The following CATSPERB variants were observed in gnomAD, a reference collection of about 807,000 sequenced individuals.
CATSPERB encodes the protein catsper channel auxiliary subunit beta, also known as cation channel sperm-associated auxiliary subunit beta.
Under a neutral mutation model 128.3 loss-of-function variants are expected in CATSPERB, and 93 were observed. The observed-to-expected ratio is 0.72, with a 90% confidence interval of 0.61 to 0.86. CATSPERB has a LOEUF of 0.86. Ranked by LOEUF, CATSPERB falls within the 40% of genes least tolerant of loss-of-function variation. CATSPERB has a pLI of 0.00. For synonymous variants in CATSPERB, 381 were observed against 448.8 expected (o/e 0.85, Z 1.91); for missense variants, 1,153 against 1,329.5 (o/e 0.87, Z 2.06).
intron 20 of CATSPERB, among the ~76,000 whole-genome samples, chr14:91,610,962 C>A (rs1360614537): frequency 6.6e-6 from 1 of 152,080 alleles, no homozygotes; most frequent in East Asian, 1.9e-4. Context: ...TGGCCATACA[C>A]AAGCCAAGTA....
chr14:91,655,293 G>A lies in CATSPERB; in HGVS notation c.1432+4544C>T, dbSNP rs141706804. On this transcript the variant is annotated intron_variant, in intron 15 of 26. Transcript: ENST00000256343. ...CCCAGACACCAATCAATGTCCAGAAGCATCAAGACCATCCAGGAGAACATG... is the reference window on the plus strand; with the variant it reads ...CCCAGACACCAATCAATGTCCAGAAACATCAAGACCATCCAGGAGAACATG... 8.9e-3 allele frequency among the ~76,000 whole-genome samples: 1,361 copies of A among 152,284 alleles called. 16 individuals carry two copies. The highest frequency in any genetic ancestry group is 0.044 in the Middle Eastern group (13 of 294).
chr14:91,682,698 C>T (rs552485471), intron 11 of CATSPERB, among the ~76,000 whole-genome samples: 1 of 152,304 alleles, frequency 6.6e-6, no homozygotes, highest in East Asian at 1.9e-4. Flanking sequence ...CCAGACACCA[C>T]TGTCAAAAAT....
intron 14 of CATSPERB, among the ~76,000 whole-genome samples, chr14:91,662,817 T>A (rs925773371): frequency 6.6e-6 from 1 of 152,220 alleles, no homozygotes; most frequent in Non-Finnish European, 1.5e-5. Context: ...TCTCTTCACG[T>A]ATTCATTCCA....
chr14:91,596,037 A>G lies in CATSPERB; in HGVS notation c.2710-4035T>C, dbSNP rs144528141. On this transcript the variant is annotated intron_variant, in intron 22 of 26. Transcript: ENST00000256343. ...GTCAAAAAGATTACTTCCGTTTTCT[A>G]TTGGTTCAGTTAATTCAGTTAACTC... is the stretch of plus-strand genomic sequence containing the variant. 9.5e-3 allele frequency among the ~76,000 whole-genome samples: 1,451 copies of G among 152,244 alleles called. 7 individuals are homozygous for G. The highest frequency in any genetic ancestry group is 0.027 in the Middle Eastern group (8 of 294).
intron 22 of CATSPERB, among the ~76,000 whole-genome samples, chr14:91,600,090 T>C (rs2139767659): frequency 6.6e-6 from 1 of 152,360 alleles, no homozygotes; most frequent in African/African-American, 2.4e-5. Context: ...TATGAAGTTT[T>C]TGTCTGAACA....
At chr14:91,619,555 A>ATCTT (rs1566706232) in intron 19 of CATSPERB, among the ~76,000 whole-genome samples, 2 of 143,932 alleles carry the variant, frequency 1.4e-5, no homozygotes, top group African/African-American at 5.2e-5. Flanking sequence ...CTTTTTTTTA[A>ATCTT]AAAAAAAATA....
intron 22 of CATSPERB, among the ~76,000 whole-genome samples, chr14:91,601,694 C>A (rs1355364184): frequency 6.6e-6 from 1 of 151,958 alleles, no homozygotes; most frequent in Non-Finnish European, 1.5e-5. Flanking sequence ...ATTGATAAAT[C>A]ATTTTTGAAA....
At chr14:91,725,006 C>T (rs3814837) in intron 3 of CATSPERB, 74 bp downstream of exon 3, 140,177 of 611,994 alleles carry the variant, frequency 0.23, 17,956 homozygotes, top group South Asian at 0.4. Context: ...GGAAAGAATA[C>T]AATGCTATTG....
chr14:91,632,550 C>T (rs901225862), intron 17 of CATSPERB, among the ~76,000 whole-genome samples: 4 of 152,042 alleles, frequency 2.6e-5, no homozygotes, highest in Non-Finnish European at 1.5e-5. Flanking sequence ...TACCTAATAA[C>T]AATCTCAAAA....
intron 10 of CATSPERB, among the ~76,000 whole-genome samples, chr14:91,690,027 C>T (rs557767272): frequency 7.2e-5 from 11 of 152,130 alleles, no homozygotes; most frequent in Non-Finnish European, 1.3e-4. Context: ...GAGTCTAGCT[C>T]GGTCACCCAG....
intron 14 of CATSPERB, among the ~76,000 whole-genome samples, 174 bp downstream of exon 14, chr14:91,669,640 A>G (rs1895051056): frequency 6.6e-6 from 1 of 152,230 alleles, no homozygotes; most frequent in African/African-American, 2.4e-5. Flanking sequence ...GAAAGGTAAA[A>G]ACTGATAATG....
chr14:91,618,044 T>C (rs756662673), intron 19 of CATSPERB, among the ~76,000 whole-genome samples: 2 of 152,218 alleles, frequency 1.3e-5, no homozygotes, highest in African/African-American at 2.4e-5. Context: ...GGCTACTCCA[T>C]AGAGCTGGTG....
chr14:91,720,657 C>T (rs1286367521), intron 4 of CATSPERB, among the ~76,000 whole-genome samples: 2 of 152,068 alleles, frequency 1.3e-5, no homozygotes, highest in African/African-American at 2.4e-5. Flanking sequence ...GGCAATACTA[C>T]CCAAATGTAT....
intron 15 of CATSPERB, among the ~76,000 whole-genome samples, chr14:91,654,516 C>T (rs1338621550): frequency 6.6e-6 from 1 of 152,112 alleles, no homozygotes; most frequent in Non-Finnish European, 1.5e-5. Flanking sequence ...AGAGAGACTG[C>T]TCTGCTTCAG....
At chr14:91,717,591 A>G (rs1448405331) in intron 5 of CATSPERB, among the ~76,000 whole-genome samples, 1 of 152,226 alleles carries the variant, frequency 6.6e-6, no homozygotes, top group Non-Finnish European at 1.5e-5. Flanking sequence ...TAGAGTGTTT[A>G]GAGCAGTGCT....
In CATSPERB at chr14:91,592,184, C is replaced by T. The variant is rs1262648295; in HGVS notation, c.2710-182G>A. ...GTACAGTATTTCTGAATTTTAGTTG[C>T]CCCCTTGCTTGGTAATTTGAACCCA... On this transcript the variant is annotated intron_variant, in intron 22 of 26. Coordinates refer to ENST00000256343, the MANE Select transcript of CATSPERB (RefSeq NM_024764.4). The T allele has an allele frequency of 5.0e-6, 3 of 594,766 alleles. No individual in the cohort carries two copies. The African/African-American group carries it at 5.6e-5, about 11-fold the overall frequency. The allele number at this position is 594,766 out of a possible 1,614,324, so 36.8% of individuals were successfully genotyped here.
chr14:91,606,252 C>T (rs1007223978), intron 22 of CATSPERB, among the ~76,000 whole-genome samples: 2 of 152,010 alleles, frequency 1.3e-5, no homozygotes, highest in Non-Finnish European at 2.9e-5. Context: ...CTATGAGATT[C>T]AGAAAGATGC....
chr14:91,582,104 C>G (rs1893216178), intron 26 of CATSPERB, among the ~76,000 whole-genome samples: 1 of 152,164 alleles, frequency 6.6e-6, no homozygotes, highest in Non-Finnish European at 1.5e-5. Flanking sequence ...TATTGTGCCA[C>G]TTTTCATAAA....
At chr14:91,655,409 G>A (rs956316402) in intron 15 of CATSPERB, among the ~76,000 whole-genome samples, 1 of 152,198 alleles carries the variant, frequency 6.6e-6, no homozygotes, top group Admixed American at 6.5e-5. Flanking sequence ...CAGAATAGCT[G>A]TTGTGAGAAA....
Sources: gnomAD v4.1 joint callset for allele counts (sites outside exome capture counted in the v4.1 genomes callset) on GRCh38, gnomAD v4.1.1 for gene constraint, MANE v1.5 for transcripts, NCBI Gene and HGNC (gene_info 2026-07-23, HGNC 2026-07-21) for gene names.